Variants in RAP1GAP2 observed in about 807,000 individuals in gnomAD.
RAP1GAP2 encodes rap1 GTPase-activating protein 2.
In RAP1GAP2, 27 loss-of-function variants were observed where a neutral mutation model predicts 95.0. The observed-to-expected ratio is 0.28, with a 90% CI of 0.21 to 0.39. The LOEUF (loss-of-function observed/expected upper bound fraction) is 0.39. Ranked by LOEUF, RAP1GAP2 falls within the 10% of genes least tolerant of loss-of-function variation. The pLI, the probability that RAP1GAP2 is intolerant of heterozygous loss-of-function variation, is 1.00. For missense variants in RAP1GAP2, 771 were observed against 970.0 expected (o/e 0.79, Z 2.72); for synonymous variants, 373 against 380.9 (o/e 0.98, Z 0.24).
chr17:2,839,360 A>G (rs1425196877), intron 2 of RAP1GAP2, among the ~76,000 whole-genome samples: 1 of 152,106 alleles, frequency 6.6e-6, no homozygotes, highest in Non-Finnish European at 1.5e-5. Flanking sequence ...AGAAAAATTA[A>G]GAGTACAGAG....
At chr17:2,869,581 G>T (rs541315929) in intron 2 of RAP1GAP2, among the ~76,000 whole-genome samples, 16 of 152,190 alleles carry the variant, frequency 1.1e-4, no homozygotes, top group Non-Finnish European at 5.9e-5. Context: ...GGGAACCAAA[G>T]TGCCTTGGGG....
At position 2,815,858 on chromosome 17, in the gene RAP1GAP2, A is replaced by G. The variant is rs534513584; in HGVS notation, c.80+15308A>G. On this transcript the variant is annotated intron_variant, in intron 2 of 24. Transcript: ENST00000254695. ...CTGTGCGATGTGCCCTCGTGCCTGC[A>G]GGCGTACCTACGCAGGCACACTGAG... is the stretch of plus-strand genomic sequence containing the variant. Among the ~76,000 whole-genome samples the G allele has an allele frequency of 9.9e-4, 151 of 152,336 alleles. 3 individuals are homozygous for G. Among genetic ancestry groups the G allele is most frequent in the Admixed American group, 1.6e-3 (25 of 15,310 alleles).
intron 3 of RAP1GAP2, among the ~76,000 whole-genome samples, chr17:2,909,169 G>A (rs2042290641): frequency 6.6e-6 from 1 of 152,142 alleles, no homozygotes; most frequent in Non-Finnish European, 1.5e-5. Context: ...AGGTTCCTGA[G>A]GCGGCACCTC....
intron 11 of RAP1GAP2, among the ~76,000 whole-genome samples, chr17:2,988,095 A>C (rs2045617886): frequency 6.6e-6 from 1 of 152,202 alleles, no homozygotes; most frequent in South Asian, 2.1e-4. Context: ...CTATAGTCCC[A>C]GCTACTTGGG....
chr17:2,956,931 A>G (rs1014579070), intron 3 of RAP1GAP2, among the ~76,000 whole-genome samples: 35 of 152,248 alleles, frequency 2.3e-4, no homozygotes, highest in Non-Finnish European at 1.5e-4. Flanking sequence ...GTTCGAGACC[A>G]TCCTGGCCAA....
At chr17:2,764,450 C>T (rs1597266759) in intron 1 of RAP1GAP2, among the ~76,000 whole-genome samples, 2 of 151,114 alleles carry the variant, frequency 1.3e-5, no homozygotes, top group Non-Finnish European at 1.5e-5. Context: ...AGGCCAGGCG[C>T]GGTGGCTCAC....
chr17:2,977,140 A>T (rs2045156970), intron 8 of RAP1GAP2, among the ~76,000 whole-genome samples: 1 of 150,060 alleles, frequency 6.7e-6, no homozygotes, highest in African/African-American at 2.5e-5. Context: ...AAAAAAAAGA[A>T]AAAAAGAAAA....
intron 18 of RAP1GAP2, 53 bp downstream of exon 18, chr17:3,018,251 C>T (rs969782763): frequency 8.6e-6 from 13 of 1,519,224 alleles, no homozygotes; most frequent in African/African-American, 1.4e-5. Flanking sequence ...AGGCCCCCCC[C>T]AGACCTATGG....
chr17:2,808,465 C>T (rs1002537792), intron 2 of RAP1GAP2, among the ~76,000 whole-genome samples: 3 of 152,118 alleles, frequency 2.0e-5, no homozygotes, highest in Admixed American at 6.5e-5. Context: ...TGTCTGAGAC[C>T]CACCATATAC....
At chr17:2,816,957 A>T in intron 2 of RAP1GAP2, among the ~76,000 whole-genome samples, 1 of 101,598 alleles carries the variant, frequency 9.8e-6, no homozygotes, top group Non-Finnish European at 2.3e-5. Context: ...AGGTTCATCC[A>T]TGTTGTAGCG....
Position 2,781,692 on chromosome 17 carries a change from C to G in RAP1GAP2, c.-14+4414C>G, listed in dbSNP as rs991260683. ...GGCACGTCTCTGTGTGTGCAGGTCTCTGTGTGTGCACGTCTCTGTGTGAGC... is the reference window on the plus strand; with the variant it reads ...GGCACGTCTCTGTGTGTGCAGGTCTGTGTGTGTGCACGTCTCTGTGTGAGC... On this transcript the variant is annotated intron_variant, in intron 1 of 24. Coordinates refer to the RAP1GAP2 transcript ENST00000540393. Among the ~76,000 whole-genome samples the G allele has an allele frequency of 7.4e-5, 10 of 134,596 alleles. No individual in the cohort carries two copies. In the East Asian group the frequency reaches 1.0e-3, roughly 14 times the overall value. 88.3% of individuals were successfully genotyped at this position (134,596 alleles called of 152,430 possible).
At chr17:2,840,123 G>C (rs565154786) in intron 2 of RAP1GAP2, among the ~76,000 whole-genome samples, 4 of 152,074 alleles carry the variant, frequency 2.6e-5, no homozygotes, top group East Asian at 1.9e-4. Context: ...TGTTTTGTCA[G>C]ATGTCTCCAT....
chr17:3,027,330 G>A lies in RAP1GAP2; in HGVS notation c.2107+260G>A, dbSNP rs897071003. Among the ~76,000 whole-genome samples, 1 of 152,160 alleles carries A rather than the reference G, an allele frequency of 6.6e-6. No individual in the cohort carries two copies. The highest frequency in any genetic ancestry group is 2.4e-5 in the African/African-American group (1 of 41,438). On this transcript the variant is annotated intron_variant, in intron 22 of 24. Transcript: ENST00000254695. The surrounding 1 kb of genome is among the most constrained non-coding windows in gnomAD (Gnocchi z 5.2). ...TGGGAGATCCCACAGCGGAGGAGTC[G>A]GGATTGGCAGTGGGAAAGCTGAGCA... is the stretch of plus-strand genomic sequence containing the variant.
chr17:2,990,925 A>G (rs749363734), intron 11 of RAP1GAP2, among the ~76,000 whole-genome samples: 1 of 149,066 alleles, frequency 6.7e-6, no homozygotes, highest in Non-Finnish European at 1.5e-5. Flanking sequence ...GCTCACTGCA[A>G]CCTCCGCTTC....
intron 2 of RAP1GAP2, among the ~76,000 whole-genome samples, chr17:2,828,138 C>G (rs1189875766): frequency 6.6e-6 from 1 of 152,154 alleles, no homozygotes; most frequent in Non-Finnish European, 1.5e-5. Flanking sequence ...GTCAGGAGTT[C>G]GAGACCAGCC....
chr17:2,908,197 C>T (rs1158018625), intron 3 of RAP1GAP2, among the ~76,000 whole-genome samples: 1 of 152,162 alleles, frequency 6.6e-6, no homozygotes, highest in East Asian at 1.9e-4. Context: ...TGCGTTCAGG[C>T]AGCCGAGAGA....
intron 17 of RAP1GAP2, among the ~76,000 whole-genome samples, chr17:3,011,235 A>G (rs1050607762): frequency 2.0e-5 from 3 of 151,772 alleles, no homozygotes; most frequent in African/African-American, 7.3e-5. Flanking sequence ...GCCATTTGTG[A>G]CCAGCTTTTT....
chr17:3,013,204 G>A (rs1035871152), intron 17 of RAP1GAP2, among the ~76,000 whole-genome samples: 4 of 152,218 alleles, frequency 2.6e-5, no homozygotes, highest in Non-Finnish European at 4.4e-5. Flanking sequence ...TTGTGGCCCC[G>A]CAGTACCTGC....
intron 3 of RAP1GAP2, among the ~76,000 whole-genome samples, chr17:2,928,044 G>T (rs1038101760): frequency 7.0e-6 from 1 of 143,090 alleles, no homozygotes. Flanking sequence ...TTTTGTTACC[G>T]TCAGTCAGCT....
Sources: allele counts gnomAD v4.1 joint callset (sites outside exome capture counted in the v4.1 genomes callset), GRCh38; gene constraint gnomAD v4.1.1; non-coding constraint Gnocchi (gnomAD v3.1); transcripts MANE v1.5; gene names NCBI Gene and HGNC (gene_info 2026-07-23, HGNC 2026-07-21).